TAS2R1: variants seen among roughly 807,000 people sequenced by gnomAD.
The protein encoded by TAS2R1 is taste 2 receptor member 1.
For synonymous variants in TAS2R1, 141 were observed against 134.2 expected, an observed-to-expected ratio of 1.05 and a Z score of -0.35; for missense variants, 370 against 353.4, an observed-to-expected ratio of 1.05 and a Z score of -0.38.
chr5:9,811,689 C>A, the TAS2R1 span, among the ~76,000 whole-genome samples: 1 of 152,162 alleles, frequency 6.6e-6, no homozygotes, highest in Non-Finnish European at 1.5e-5. Flanking sequence ...ACAACACCCA[C>A]ATTCTGATCA....
chr5:9,857,029 G>A, the TAS2R1 span, among the ~76,000 whole-genome samples: 1 of 152,112 alleles, frequency 6.6e-6, no homozygotes, highest in Non-Finnish European at 1.5e-5. Context: ...AATAAGCCCA[G>A]TACAGAAAGA....
At position 9,649,127 on chromosome 5, in the gene TAS2R1, T is replaced by C. The variant is rs950116178; in HGVS notation, c.-81+10294A>G. Among the ~76,000 whole-genome samples the C allele has an allele frequency of 3.3e-5, 5 of 152,306 alleles. No homozygotes were observed. The East Asian group carries it at 7.7e-4, about 24-fold the overall frequency. On this transcript the variant is annotated intron_variant, in intron 2 of 2. Coordinates refer to the TAS2R1 transcript ENST00000506620. ...TTAACCTGACTTCGTTTATCAAATG[T>C]CCTCAGAATTATGATACACCCAGAT...
At chr5:9,729,043 C>G in the TAS2R1 span, among the ~76,000 whole-genome samples, 1 of 152,214 alleles carries the variant, frequency 6.6e-6, no homozygotes, top group African/African-American at 2.4e-5. Context: ...AGCTGTGCCA[C>G]AGATGTGCTT....
the TAS2R1 span, among the ~76,000 whole-genome samples, chr5:9,733,262 G>T: frequency 6.6e-6 from 1 of 152,162 alleles, no homozygotes; most frequent in South Asian, 2.1e-4. Flanking sequence ...AGTTTTATTG[G>T]AACACAGCCA....
the TAS2R1 span, among the ~76,000 whole-genome samples, chr5:9,845,045 G>A: frequency 6.6e-6 from 1 of 152,116 alleles, no homozygotes; most frequent in African/African-American, 2.4e-5. Flanking sequence ...CTGAATATTT[G>A]TGTCCCTCCA....
the TAS2R1 span, among the ~76,000 whole-genome samples, chr5:9,723,318 C>G: frequency 6.6e-6 from 1 of 152,180 alleles, no homozygotes. Context: ...GGCTTCTAGT[C>G]TTTTCCCGAG....
the TAS2R1 span, among the ~76,000 whole-genome samples, chr5:9,896,450 C>A: frequency 6.6e-6 from 1 of 152,094 alleles, no homozygotes; most frequent in South Asian, 2.1e-4. Flanking sequence ...AAAACGTATC[C>A]ATCATTATTC....
At chr5:9,819,226 C>T in the TAS2R1 span, among the ~76,000 whole-genome samples, 1 of 152,150 alleles carries the variant, frequency 6.6e-6, no homozygotes, top group Admixed American at 6.5e-5. Context: ...TCAAAGACTC[C>T]TCAATGAGTC....
chr5:9,709,377 C>G (rs1741686765), intron 1 of TAS2R1, among the ~76,000 whole-genome samples: 1 of 152,034 alleles, frequency 6.6e-6, no homozygotes, highest in Non-Finnish European at 1.5e-5. Context: ...AACCAATATC[C>G]TCCTAAAAGG....
At chr5:9,890,599 C>A in the TAS2R1 span, among the ~76,000 whole-genome samples, 1,696 of 152,266 alleles carry the variant, frequency 0.011, 26 homozygotes, top group African/African-American at 0.039. Context: ...CTGATTTGTT[C>A]TCTTAAAAGG....
At chr5:9,785,272 A>T in the TAS2R1 span, among the ~76,000 whole-genome samples, 2 of 152,304 alleles carry the variant, frequency 1.3e-5, no homozygotes, top group East Asian at 3.9e-4. Flanking sequence ...GTAAATATGC[A>T]TCTTCAGGGG....
the TAS2R1 span, among the ~76,000 whole-genome samples, chr5:9,884,595 C>T: frequency 1.6e-4 from 24 of 151,778 alleles, no homozygotes; most frequent in Admixed American, 4.6e-4. Flanking sequence ...TTAACTGCTA[C>T]ATTATAAAAC....
the TAS2R1 span, among the ~76,000 whole-genome samples, chr5:9,869,692 G>A: frequency 6.6e-6 from 1 of 152,238 alleles, no homozygotes; most frequent in South Asian, 2.1e-4. Context: ...AGTGCATCCT[G>A]TGTGACTCCA....
At chr5:9,736,968 C>T in the TAS2R1 span, among the ~76,000 whole-genome samples, 1 of 152,170 alleles carries the variant, frequency 6.6e-6, no homozygotes, top group African/African-American at 2.4e-5. Flanking sequence ...TCACATTTGG[C>T]ACTTTATTTA....
the TAS2R1 span, among the ~76,000 whole-genome samples, chr5:9,726,857 T>G: frequency 1.3e-5 from 2 of 152,224 alleles, no homozygotes; most frequent in African/African-American, 4.8e-5. Flanking sequence ...ATTTTCCTTT[T>G]GATAAGAAAG....
At chr5:9,696,045 C>T (rs948279289) in intron 1 of TAS2R1, among the ~76,000 whole-genome samples, 1 of 152,032 alleles carries the variant, frequency 6.6e-6, no homozygotes, top group Non-Finnish European at 1.5e-5. Flanking sequence ...AATGAATAAC[C>T]TGTTTGGAAA....
chr5:9,867,516 T>C, the TAS2R1 span, among the ~76,000 whole-genome samples: 4 of 152,164 alleles, frequency 2.6e-5, no homozygotes, highest in Admixed American at 2.0e-4. Flanking sequence ...AAGAACAGCA[T>C]GGGAGAACCT....
chr5:9,753,235 A>G, the TAS2R1 span, among the ~76,000 whole-genome samples: 1 of 152,140 alleles, frequency 6.6e-6, no homozygotes, highest in Non-Finnish European at 1.5e-5. Flanking sequence ...TTTAATGATC[A>G]CCATTCTAAC....
the TAS2R1 span, among the ~76,000 whole-genome samples, chr5:9,761,454 G>T: frequency 6.6e-6 from 1 of 151,074 alleles, no homozygotes; most frequent in East Asian, 1.9e-4. Flanking sequence ...AGAAAATGGA[G>T]ATTTATGGTT....
Sources: gnomAD v4.1 joint callset for allele counts (sites outside exome capture counted in the v4.1 genomes callset) on GRCh38, gnomAD v4.1.1 for gene constraint, MANE v1.5 for transcripts, NCBI Gene and HGNC (gene_info 2026-07-23, HGNC 2026-07-21) for gene names.